Variants in RNF220 observed in about 807,000 individuals in gnomAD.
RNF220 encodes the protein E3 ubiquitin-protein ligase RNF220.
RNF220 carries 7 observed loss-of-function variants against 67.1 expected under a neutral mutation model. The observed-to-expected ratio is 0.10, with a 90% CI of 0.06 to 0.20. The LOEUF (loss-of-function observed/expected upper bound fraction) is 0.20. Ranked by LOEUF, RNF220 falls within the 10% of genes least tolerant of loss-of-function variation. The pLI is 1.00. For synonymous variants in RNF220, 270 were observed against 283.2 expected (o/e 0.95, Z 0.47); for missense variants, 565 against 740.3 (o/e 0.76, Z 2.75).
rs1558013582 is a variant in RNF220 at position 44,527,937 on chromosome 1, A to AG, written c.626-86228_626-86227insG. ...CAAGACTCCATCCCAAAAAAAAAAA[A>AG]AAAAAAAAAAAAAAGTTAAATGCAA... On this transcript the variant is annotated intron_variant, in intron 2 of 14. Transcript: ENST00000361799. Among the ~76,000 whole-genome samples, 18 of 138,232 alleles carry AG rather than the reference A, an allele frequency of 1.3e-4. 1 individual carries two copies. The East Asian group carries it at 2.0e-3, about 16-fold the overall frequency. The allele number at this position is 138,232 out of a possible 152,430, so 90.7% of individuals were successfully genotyped here.
intron 2 of RNF220, among the ~76,000 whole-genome samples, chr1:44,483,741 C>G (rs1656040433): frequency 6.6e-6 from 1 of 152,216 alleles, no homozygotes; most frequent in Non-Finnish European, 1.5e-5. Flanking sequence ...AGCAGTGGTG[C>G]AACTTGATCT....
intron 2 of RNF220, among the ~76,000 whole-genome samples, chr1:44,424,494 TCGGGGGAAGGTTTCA>T (rs1649544617): frequency 1.3e-5 from 2 of 152,090 alleles, no homozygotes; most frequent in Non-Finnish European, 2.9e-5. Context: ...GGTGAAAGTC[TCGGGGGAAGGTTTCA>T]CCGAGGTGTT....
In RNF220 at chr1:44,420,366, G is replaced by C. The variant is rs537986326; in HGVS notation, c.625+7644G>C. 5.3e-5 allele frequency among the ~76,000 whole-genome samples: 8 copies of C among 152,322 alleles called. No individual in the cohort carries two copies. The East Asian group carries it at 9.6e-4, about 18-fold the overall frequency. ...CACTGAAATTCAGGCTAGACTTATG[G>C]CTTTACATCAATCTTAGTGCAGCAG... On this transcript the variant is annotated intron_variant, in intron 2 of 14. Coordinates refer to ENST00000361799, the MANE Select transcript of RNF220 (RefSeq NM_018150.4).
intron 2 of RNF220, among the ~76,000 whole-genome samples, chr1:44,434,663 G>A (rs1464510599): frequency 1.3e-4 from 19 of 150,776 alleles, no homozygotes; most frequent in Admixed American, 1.3e-3. Context: ...CTTGCAGTGA[G>A]CAGAGATCAC....
intron 1 of RNF220, among the ~76,000 whole-genome samples, chr1:44,407,484 T>A (rs144633937): frequency 0.032 from 4,865 of 151,920 alleles, 116 homozygotes; most frequent in Middle Eastern, 0.078. Context: ...TGCCGATCCC[T>A]CCTGGCCCGC....
rs186508659 is a variant in RNF220, at chr1:44,514,438, G to A, written c.626-99727G>A. ...TGAGAGGAAGACTTCAGGGGTTGCA[G>A]TGAAGCTAGAATATTAGGCATTCGT... is the stretch of plus-strand genomic sequence containing the variant. On this transcript the variant is annotated intron_variant, in intron 2 of 14. Transcript: ENST00000361799. 2.6e-5 allele frequency among the ~76,000 whole-genome samples: 4 copies of A among 152,320 alleles called. No homozygotes were observed. The South Asian group carries it at 6.2e-4, about 24-fold the overall frequency.
chr1:44,596,383 GA>G (rs1666489138), intron 2 of RNF220, among the ~76,000 whole-genome samples: 1 of 151,968 alleles, frequency 6.6e-6, no homozygotes, highest in Non-Finnish European at 1.5e-5. Context: ...CCAATATGGT[GA>G]AACCCTGTCT....
At chr1:44,505,480 C>T (rs760320419) in intron 2 of RNF220, among the ~76,000 whole-genome samples, 3 of 152,258 alleles carry the variant, frequency 2.0e-5, no homozygotes, top group Admixed American at 6.5e-5. Flanking sequence ...CGTTCCATCA[C>T]GCGTTAACCC....
At chr1:44,478,211 C>T (rs1304060471) in intron 2 of RNF220, among the ~76,000 whole-genome samples, 1 of 152,056 alleles carries the variant, frequency 6.6e-6, no homozygotes, top group Non-Finnish European at 1.5e-5. Context: ...AACTCCTGAC[C>T]TCAAGTGATC....
At chr1:44,418,129 G>T (rs1307333721) in intron 2 of RNF220, among the ~76,000 whole-genome samples, 3 of 152,208 alleles carry the variant, frequency 2.0e-5, no homozygotes, top group South Asian at 4.1e-4. Context: ...ATAAGGGGGG[G>T]GCGCCCACGC....
Position 44,624,205 on chromosome 1 carries a change from C to T in RNF220, c.804+1418C>T, listed in dbSNP as rs1490906187. The stretch of plus-strand genomic sequence containing the variant: ...AGACTCACAGAGGTAGCGAGCTACA[C>T]TCACTGAGTGTGGCCCAGCCTGCAG... On this transcript the variant is annotated intron_variant, in intron 4 of 14. Transcript: ENST00000361799. The surrounding 1 kb of genome is among the most constrained non-coding windows in gnomAD (Gnocchi z 4.2). Among the ~76,000 whole-genome samples the T allele has an allele frequency of 6.6e-6, 1 of 152,216 alleles. No homozygotes were observed. Among genetic ancestry groups the T allele is most frequent in the East Asian group, 1.9e-4 (1 of 5,190 alleles).
Position 44,405,419 on chromosome 1 carries a change from G to C in RNF220, c.-229G>C. The C allele has an allele frequency of 1.6e-6, 1 of 632,414 alleles. No individual in the cohort carries two copies. Among genetic ancestry groups the C allele is most frequent in the South Asian group, 1.7e-5 (1 of 60,094 alleles). The allele number at this position is 632,414 out of a possible 1,614,324, so 39.2% of individuals were successfully genotyped here. A position where few individuals can be genotyped will look rare whatever the true frequency, so the allele number is the denominator to read the frequency against. On this transcript the variant is annotated 5_prime_UTR_variant, in exon 1 of 15. Coordinates refer to ENST00000361799, the MANE Select transcript of RNF220 (RefSeq NM_018150.4). The stretch of plus-strand genomic sequence containing the variant: ...TGCCGCTGCCGCCGCCGCCGCCGCC[G>C]CTGCCTCCGCCGGCTCTGCGAACCC...
At chr1:44,477,532 G>GAAAA (rs1655402870) in intron 2 of RNF220, among the ~76,000 whole-genome samples, 1 of 152,160 alleles carries the variant, frequency 6.6e-6, no homozygotes, top group African/African-American at 2.4e-5. Flanking sequence ...TGAAGAATGA[G>GAAAA]AACCAATCAG....
intron 2 of RNF220, among the ~76,000 whole-genome samples, chr1:44,444,673 T>G (rs925035173): frequency 2.0e-5 from 3 of 152,206 alleles, no homozygotes; most frequent in Non-Finnish European, 4.4e-5. Flanking sequence ...ACTCCTGGAC[T>G]CAAGCAATTT....
At chr1:44,405,200 CGT>C (rs139658142), upstream of RNF220, 39 of 326,964 alleles carry the variant, frequency 1.2e-4, no homozygotes, top group South Asian at 3.4e-4. Context: ...TGTGTGCGTG[CGT>C]GTGTGTGTGC....
rs12402649 is a variant in RNF220, at chr1:44,509,786, C to T, written c.625+97064C>T. Among the ~76,000 whole-genome samples, 6 of 144,080 alleles carry T rather than the reference C, an allele frequency of 4.2e-5. No homozygotes were observed. The East Asian group carries it at 1.1e-3, about 27-fold the overall frequency. The allele number at this position is 144,080 out of a possible 152,430, so 94.5% of individuals were successfully genotyped here. A position where few individuals can be genotyped will look rare whatever the true frequency, so the allele number is the denominator to read the frequency against. On this transcript the variant is annotated intron_variant, in intron 2 of 14. Transcript: ENST00000361799. ...CCTGTCATCCCAGCTACTTTGGAGG[C>T]TAAGGCACGAGAATTGCTTGAACCC...
intron 2 of RNF220, among the ~76,000 whole-genome samples, chr1:44,532,417 G>A (rs1660903817): frequency 6.6e-6 from 1 of 152,040 alleles, no homozygotes; most frequent in South Asian, 2.1e-4. Context: ...TATTTATTGA[G>A]TCCCCACTAT....
intron 2 of RNF220, among the ~76,000 whole-genome samples, chr1:44,528,989 T>C (rs1367278627): frequency 6.6e-6 from 1 of 152,250 alleles, no homozygotes; most frequent in East Asian, 1.9e-4. Context: ...TATATACTAT[T>C]GGTAAAAGCA....
At position 44,650,005 on chromosome 1, in the gene RNF220, C is replaced by G. The variant is rs1447559536; in HGVS notation, c.1629+48C>G. On this transcript the variant is annotated intron_variant, in intron 14 of 14. Coordinates refer to ENST00000361799, the MANE Select transcript of RNF220 (RefSeq NM_018150.4). The surrounding 1 kb of genome is among the most constrained non-coding windows in gnomAD (Gnocchi z 4.3). The stretch of plus-strand genomic sequence containing the variant: ...GAATGGGAGGCCGCTCCGGGCACTG[C>G]CCAGATGTCTGTGCTTATGCCTGAG... 1 of 1,577,954 alleles carries G rather than the reference C, an allele frequency of 6.3e-7. No homozygotes were observed. The highest frequency in any genetic ancestry group is 1.7e-5 in the Admixed American group (1 of 59,548).
Sources: allele counts gnomAD v4.1 joint callset (sites outside exome capture counted in the v4.1 genomes callset), GRCh38; gene constraint gnomAD v4.1.1; non-coding constraint Gnocchi (gnomAD v3.1); transcripts MANE v1.5; gene names NCBI Gene and HGNC (gene_info 2026-07-23, HGNC 2026-07-21).